SH3PXD2A: variants seen among roughly 807,000 people sequenced by gnomAD.
SH3PXD2A encodes the protein SH3 and PX domain-containing protein 2A.
In SH3PXD2A, 32 loss-of-function variants were observed where a neutral mutation model predicts 115.2. That is an observed-to-expected ratio of 0.28 (90% CI 0.21 to 0.37). The LOEUF is 0.37. Among genes scored for constraint, SH3PXD2A ranks in the 10% least tolerant of loss-of-function variants. The probability of loss-of-function intolerance (pLI) is 1.00; values close to 1 mark genes in which losing one functional copy is unlikely to be tolerated. For missense variants in SH3PXD2A, 1,328 were observed against 1,498.7 expected (o/e 0.89, Z 1.88); for synonymous variants, 610 against 629.1 (o/e 0.97, Z 0.45).
In SH3PXD2A at chr10:103,607,068, G is replaced by A. The variant is rs569499689; in HGVS notation, c.1309-1151C>T. Among the ~76,000 whole-genome samples, 726 of 151,930 alleles carry A rather than the reference G, an allele frequency of 4.8e-3. 5 individuals carry two copies. Among genetic ancestry groups the A allele is most frequent in the African/African-American group, 0.016 (669 of 41,420 alleles). On this transcript the variant is annotated intron_variant, in intron 13 of 14. Coordinates refer to ENST00000369774, the MANE Select transcript of SH3PXD2A (RefSeq NM_001394015.1). ...AAGTGAGGAGCGCCTCTTCCCGGCC[G>A]CCATCCCATCTAGGAAGTGAGGAGC...
intron 8 of SH3PXD2A, among the ~76,000 whole-genome samples, chr10:103,633,473 T>G (rs961222216): frequency 6.6e-6 from 1 of 151,286 alleles, no homozygotes; most frequent in Non-Finnish European, 1.5e-5. Context: ...CTGTAATCCC[T>G]GTAGCACTTT....
intron 1 of SH3PXD2A, among the ~76,000 whole-genome samples, chr10:103,838,966 G>T (rs1414406028): frequency 1.3e-5 from 2 of 152,172 alleles, no homozygotes; most frequent in African/African-American, 4.8e-5. Flanking sequence ...GGCCCCAGCT[G>T]CCAGCCCACA....
chr10:103,769,165 TGTGTGTGTGTGTGTGTGCGC>T (rs1450315374), intron 2 of SH3PXD2A, among the ~76,000 whole-genome samples: 5 of 115,510 alleles, frequency 4.3e-5, no homozygotes, highest in African/African-American at 1.9e-4. Context: ...TGTGTGTGTG[TGTGTGTGTGTGTGTGTGCGC>T]GCGCGCGCGC....
intron 8 of SH3PXD2A, among the ~76,000 whole-genome samples, chr10:103,639,900 G>T (rs562369700): frequency 1.7e-4 from 26 of 152,186 alleles, no homozygotes; most frequent in Admixed American, 3.9e-4. Flanking sequence ...GGGGCGGGAA[G>T]GGGTGGCCTG....
At chr10:103,747,986 A>T (rs1172196949) in intron 3 of SH3PXD2A, among the ~76,000 whole-genome samples, 2 of 151,944 alleles carry the variant, frequency 1.3e-5, no homozygotes, top group South Asian at 4.1e-4. Context: ...TTCTGTTGGC[A>T]AAACTGAGCC....
intron 6 of SH3PXD2A, among the ~76,000 whole-genome samples, chr10:103,671,078 C>G (rs893884452): frequency 2.2e-4 from 34 of 152,214 alleles, no homozygotes; most frequent in African/African-American, 8.0e-4. Context: ...CTTTGGGTTC[C>G]TTTTGGGTTC....
rs2038215388 is a variant in SH3PXD2A, at chr10:103,724,290, C to T, written c.378G>A (p.Glu126=). 1 of 1,577,388 alleles carries T rather than the reference C, an allele frequency of 6.3e-7. No individual in the cohort carries two copies. Among genetic ancestry groups the T allele is most frequent in the Non-Finnish European group, 8.6e-7 (1 of 1,164,210 alleles). The change falls in exon 5 of 15, where the codon GAG becomes GAA. Residue 126 remains glutamate (E), a synonymous_variant. Coordinates refer to ENST00000369774, the MANE Select transcript of SH3PXD2A (RefSeq NM_001394015.1). ...EVFRFFEARP[E]DVNPPKEDYG... The stretch of plus-strand genomic sequence containing the variant: ...CTTACTCTTTTGGAGGGTTGACATC[C>T]TCGGGTCGAGCCTCGAAGAACCGGA...
intron 2 of SH3PXD2A, among the ~76,000 whole-genome samples, chr10:103,780,341 G>GGGTCA (rs1290308492): frequency 6.6e-6 from 1 of 152,178 alleles, no homozygotes; most frequent in Admixed American, 6.5e-5. Flanking sequence ...TATTCCAAAT[G>GGGTCA]GGTCAAGGTG....
At chr10:103,761,738 C>T (rs1297050945) in intron 3 of SH3PXD2A, among the ~76,000 whole-genome samples, 1 of 152,186 alleles carries the variant, frequency 6.6e-6, no homozygotes, top group Non-Finnish European at 1.5e-5. Context: ...TCAGGCAGAA[C>T]TTCTCAGATC....
At chr10:103,799,693 A>G (rs1342280280) in intron 2 of SH3PXD2A, among the ~76,000 whole-genome samples, 1 of 152,236 alleles carries the variant, frequency 6.6e-6, no homozygotes, top group Admixed American at 6.5e-5. Context: ...CCTCCAGCTC[A>G]TCAATGAGTC....
At chr10:103,781,191 G>A (rs936262529) in intron 2 of SH3PXD2A, among the ~76,000 whole-genome samples, 4 of 152,142 alleles carry the variant, frequency 2.6e-5, no homozygotes, top group African/African-American at 9.7e-5. Context: ...TGTCCATCAT[G>A]GTATCCAACA....
intron 2 of SH3PXD2A, among the ~76,000 whole-genome samples, chr10:103,775,824 G>A (rs970411284): frequency 2.6e-5 from 4 of 152,192 alleles, no homozygotes; most frequent in Admixed American, 2.0e-4. Context: ...GCAGTGTGAC[G>A]AGATGGAGAA....
chr10:103,597,021 T>G lies in SH3PXD2A; in HGVS notation c.*4795A>C, dbSNP rs1021737794. 5 of 152,616 alleles carry G rather than the reference T, an allele frequency of 3.3e-5. No individual in the cohort carries two copies. Among genetic ancestry groups the G allele is most frequent in the African/African-American group, 1.2e-4 (5 of 41,432 alleles). 9.5% of individuals were successfully genotyped at this position (152,616 alleles called of 1,614,324 possible). On this transcript the variant is annotated 3_prime_UTR_variant, in exon 15 of 15. Coordinates refer to ENST00000369774, the MANE Select transcript of SH3PXD2A (RefSeq NM_001394015.1). ...ATTCTGTTGCTTTCTCTACCGGTGC[T>G]GAGGAAGGAGGCCAGATTGGTACCT...
intron 1 of SH3PXD2A, among the ~76,000 whole-genome samples, chr10:103,809,847 G>GT (rs1210389527): frequency 2.0e-5 from 2 of 99,860 alleles, no homozygotes; most frequent in Non-Finnish European, 4.7e-5. Context: ...ACCACACTAG[G>GT]CTTTTTTTTT....
chr10:103,654,834 C>A (rs922125406), intron 8 of SH3PXD2A, among the ~76,000 whole-genome samples: 11 of 151,980 alleles, frequency 7.2e-5, no homozygotes, highest in African/African-American at 2.7e-4. Context: ...AGGATCAGCA[C>A]AGGAAGTAAC....
At chr10:103,793,664 ACACCAGGTGTGCTGG>A (rs1351397522) in intron 2 of SH3PXD2A, among the ~76,000 whole-genome samples, 1 of 152,230 alleles carries the variant, frequency 6.6e-6, no homozygotes, top group Non-Finnish European at 1.5e-5. Flanking sequence ...TGGCACTGCC[ACACCAGGTGTGCTGG>A]AGCTCTCTGC....
chr10:103,809,170 G>C (rs1465801518), intron 1 of SH3PXD2A, among the ~76,000 whole-genome samples: 1 of 152,134 alleles, frequency 6.6e-6, no homozygotes, highest in East Asian at 1.9e-4. Flanking sequence ...CTTAGGGTGG[G>C]GAGAGAGGTG....
chr10:103,811,095 G>A (rs1196857911), intron 1 of SH3PXD2A, among the ~76,000 whole-genome samples: 2 of 152,188 alleles, frequency 1.3e-5, no homozygotes, highest in East Asian at 1.9e-4. Flanking sequence ...AGGAGCGTCC[G>A]CTGAAAGGAT....
chr10:103,607,114 C>T (rs1365603312), intron 13 of SH3PXD2A, among the ~76,000 whole-genome samples: 47 of 151,466 alleles, frequency 3.1e-4, no homozygotes, highest in Middle Eastern at 3.4e-3. Context: ...AGCCGCCCAT[C>T]GTCTGAGATG....
Sources: gnomAD v4.1 joint callset for allele counts (sites outside exome capture counted in the v4.1 genomes callset) on GRCh38, gnomAD v4.1.1 for gene constraint, MANE v1.5 for transcripts, NCBI Gene and HGNC (gene_info 2026-07-23, HGNC 2026-07-21) for gene names.